The following NRG1 variants were observed in gnomAD, a reference collection of about 807,000 sequenced individuals.
NRG1 encodes the protein neuregulin 1, also known as pro-neuregulin-1, membrane-bound isoform.
In NRG1, 18 loss-of-function variants were observed where a neutral mutation model predicts 63.8. That is an observed-to-expected ratio of 0.28 (90% confidence interval 0.19 to 0.42). The LOEUF is 0.42. Among genes scored for constraint, NRG1 ranks in the 10% least tolerant of loss-of-function variants. NRG1 has a pLI of 1.00. For missense variants in NRG1, 762 were observed against 814.7 expected, an observed-to-expected ratio of 0.94 and a Z score of 0.79; for synonymous variants, 302 against 301.3, an observed-to-expected ratio of 1.00 and a Z score of -0.02.
chr8:31,852,363 T>C (rs1827331331), intron 1 of NRG1, among the ~76,000 whole-genome samples: 1 of 151,816 alleles, frequency 6.6e-6, no homozygotes, highest in Non-Finnish European at 1.5e-5. Context: ...TGGCCAGTGA[T>C]GGTGAGCATT....
chr8:32,157,358 C>CAAAA (rs11434397), intron 1 of NRG1, among the ~76,000 whole-genome samples: 14 of 58,532 alleles, frequency 2.4e-4, no homozygotes, highest in South Asian at 6.5e-4. Flanking sequence ...GACTCTGTCT[C>CAAAA]AAAAAAAAAA....
intron 1 of NRG1, among the ~76,000 whole-genome samples, chr8:32,577,739 A>G (rs1253376136): frequency 6.6e-6 from 1 of 151,848 alleles, no homozygotes; most frequent in African/African-American, 2.4e-5. Flanking sequence ...GTTCTTGAGG[A>G]CATTTTCTTC....
At chr8:32,234,043 T>C (rs1267689113) in intron 1 of NRG1, among the ~76,000 whole-genome samples, 1 of 152,228 alleles carries the variant, frequency 6.6e-6, no homozygotes, top group Non-Finnish European at 1.5e-5. Flanking sequence ...CTGGCTTAAC[T>C]GTGAAAGTAT....
intron 1 of NRG1, among the ~76,000 whole-genome samples, chr8:31,726,192 C>G (rs1813420953): frequency 6.6e-6 from 1 of 151,952 alleles, no homozygotes; most frequent in Admixed American, 6.6e-5. Context: ...TAGGTGACGG[C>G]TTCAGCTTTG....
chr8:31,698,085 T>A (rs940518153), intron 1 of NRG1, among the ~76,000 whole-genome samples: 1 of 152,196 alleles, frequency 6.6e-6, no homozygotes, highest in Non-Finnish European at 1.5e-5. Context: ...ATAATGTGTA[T>A]GTCGGTACTG....
At chr8:32,090,014 C>T (rs1483641642) in intron 1 of NRG1, among the ~76,000 whole-genome samples, 2 of 152,128 alleles carry the variant, frequency 1.3e-5, no homozygotes, top group Non-Finnish European at 2.9e-5. Context: ...ACATTAGTAA[C>T]TCTTTTCCTG....
chr8:31,775,724 A>G (rs1819053830), intron 1 of NRG1, among the ~76,000 whole-genome samples: 1 of 151,914 alleles, frequency 6.6e-6, no homozygotes, highest in Non-Finnish European at 1.5e-5. Flanking sequence ...TCTACTAAAA[A>G]TACAAAAAAT....
chr8:32,406,114 A>G (rs1813936719), intron 1 of NRG1, among the ~76,000 whole-genome samples: 3 of 152,192 alleles, frequency 2.0e-5, no homozygotes, highest in African/African-American at 7.2e-5. Context: ...CAGTTCCTCA[A>G]CTTACTGGCT....
intron 1 of NRG1, among the ~76,000 whole-genome samples, chr8:31,824,463 C>T (rs956610252): frequency 1.3e-5 from 2 of 152,146 alleles, no homozygotes; most frequent in African/African-American, 2.4e-5. Flanking sequence ...TTGACCATTT[C>T]TAAATCCTTT....
intron 1 of NRG1, among the ~76,000 whole-genome samples, chr8:32,493,357 G>A (rs561560958): frequency 2.0e-5 from 3 of 152,026 alleles, no homozygotes; most frequent in South Asian, 2.1e-4. Context: ...CCCTCCCCAC[G>A]CCCATTTCCT....
At chr8:32,624,848 T>TA (rs1333479461) in intron 5 of NRG1, among the ~76,000 whole-genome samples, 69 of 152,192 alleles carry the variant, frequency 4.5e-4, no homozygotes, top group African/African-American at 1.4e-3. Context: ...ATGGATCCTT[T>TA]AAAAAAAATC....
chr8:32,107,000 T>C (rs1831355894), intron 1 of NRG1, among the ~76,000 whole-genome samples: 1 of 152,170 alleles, frequency 6.6e-6, no homozygotes, highest in Non-Finnish European at 1.5e-5. Context: ...GGGCAGATCA[T>C]GAGGTCAGGA....
At chr8:31,880,713 A>T (rs946871939) in intron 1 of NRG1, among the ~76,000 whole-genome samples, 1 of 152,168 alleles carries the variant, frequency 6.6e-6, no homozygotes, top group African/African-American at 2.4e-5. Flanking sequence ...CTGGAACAAG[A>T]TCTCTTTAGT....
At chr8:31,737,714 T>C (rs915197669) in intron 1 of NRG1, among the ~76,000 whole-genome samples, 2 of 152,174 alleles carry the variant, frequency 1.3e-5, no homozygotes, top group Non-Finnish European at 2.9e-5. Flanking sequence ...CTGTATGCTT[T>C]AGGTCAATTA....
At chr8:32,123,916 T>G (rs917496912) in intron 1 of NRG1, among the ~76,000 whole-genome samples, 9 of 151,992 alleles carry the variant, frequency 5.9e-5, no homozygotes, top group African/African-American at 2.2e-4. Flanking sequence ...GAAGTTTGAC[T>G]ATTGGCTGGC....
At chr8:31,999,912 G>C (rs1188107682) in intron 1 of NRG1, among the ~76,000 whole-genome samples, 2 of 152,008 alleles carry the variant, frequency 1.3e-5, no homozygotes, top group African/African-American at 4.8e-5. Flanking sequence ...TTGTGGAGGA[G>C]CAGTTTGTAT....
At chr8:32,292,072 G>A (rs1183717291) in intron 1 of NRG1, among the ~76,000 whole-genome samples, 1 of 152,038 alleles carries the variant, frequency 6.6e-6, no homozygotes, top group Non-Finnish European at 1.5e-5. Flanking sequence ...CATTACATGT[G>A]CATTTACAGG....
intron 1 of NRG1, among the ~76,000 whole-genome samples, chr8:31,856,139 C>A (rs550122524): frequency 2.0e-5 from 3 of 152,114 alleles, no homozygotes; most frequent in African/African-American, 4.8e-5. Context: ...CTCTGTATTT[C>A]CTGAATCTGA....
At chr8:32,136,546 T>C (rs1164437566) in intron 1 of NRG1, 2 of 152,220 alleles carry the variant, frequency 1.3e-5, no homozygotes, top group East Asian at 3.9e-4. Context: ...TCTGTTGTTG[T>C]GGTGGCATAT....
Sources: allele counts gnomAD v4.1 joint callset (sites outside exome capture counted in the v4.1 genomes callset), GRCh38; gene constraint gnomAD v4.1.1; transcripts MANE v1.5; gene names NCBI Gene and HGNC (gene_info 2026-07-23, HGNC 2026-07-21).